MYLK: variants seen among roughly 807,000 people sequenced by gnomAD.
MYLK encodes the protein myosin light chain kinase, also known as myosin light chain kinase, smooth muscle.
In MYLK, 106 loss-of-function variants were observed where a neutral mutation model predicts 203.4. That is an observed-to-expected ratio of 0.52 (90% CI 0.45 to 0.61). The LOEUF is 0.61. MYLK is among the 20% of genes least tolerant of loss of function. The pLI is 0.00. For synonymous variants in MYLK, 867 were observed against 959.5 expected (o/e 0.90, Z 1.78); for missense variants, 2,072 against 2,442.3 (o/e 0.85, Z 3.20).
intron 4 of MYLK, among the ~76,000 whole-genome samples, chr3:123,755,478 C>T (rs75683971): frequency 0.028 from 4,322 of 152,300 alleles, 202 homozygotes; most frequent in African/African-American, 0.096. Flanking sequence ...AAGAAAGTTG[C>T]AGTTCACTAT....
At chr3:123,671,923 G>T (rs1467511968) in intron 20 of MYLK, among the ~76,000 whole-genome samples, 1 of 152,040 alleles carries the variant, frequency 6.6e-6, no homozygotes, top group Non-Finnish European at 1.5e-5. Context: ...AGCTCTCCAG[G>T]GAAGAAGAGA....
intron 2 of MYLK, among the ~76,000 whole-genome samples, chr3:123,844,822 G>GTTTT (rs146243787): frequency 5.1e-5 from 6 of 117,846 alleles, no homozygotes; most frequent in South Asian, 2.9e-4. Flanking sequence ...CTCCTCAGTT[G>GTTTT]TTTTTTTTTT....
Position 123,629,675 on chromosome 3 carries a change from C to T in MYLK, c.4962-49G>A, listed in dbSNP as rs780756829. The T allele has an allele frequency of 5.1e-5, 82 of 1,607,832 alleles. 1 individual carries two copies. The Middle Eastern group carries it at 6.3e-4, about 12-fold the overall frequency. On this transcript the variant is annotated intron_variant, in intron 29 of 33. Transcript: ENST00000360304. This position sits in a 1 kb window ranked among gnomAD's most constrained non-coding sequence, Gnocchi z 4.4. ...CAGGTGTGGCTAGGAGAGGGCGCGACGACCAGGTGAGTGGTAACTGAGGTC... is the reference window on the plus strand; with the variant it reads ...CAGGTGTGGCTAGGAGAGGGCGCGATGACCAGGTGAGTGGTAACTGAGGTC...
intron 8 of MYLK, among the ~76,000 whole-genome samples, chr3:123,736,683 G>A (rs777406403): frequency 6.6e-6 from 1 of 152,168 alleles, no homozygotes; most frequent in Non-Finnish European, 1.5e-5. Context: ...TCGAAGGATC[G>A]CCTGACTTGA....
At chr3:123,717,672 A>G (rs1339717246) in intron 13 of MYLK, among the ~76,000 whole-genome samples, 1 of 152,194 alleles carries the variant, frequency 6.6e-6, no homozygotes, top group Non-Finnish European at 1.5e-5. Flanking sequence ...TGTGAAATAT[A>G]TACTGTATTT....
intron 3 of MYLK, chr3:123,799,913 A>G (rs2065133713): frequency 6.6e-6 from 1 of 152,370 alleles, no homozygotes; most frequent in Non-Finnish European, 1.5e-5. Flanking sequence ...CGTACTGCAG[A>G]GGTTCCTGTC....
In MYLK at chr3:123,827,466, G is replaced by C. The variant is rs1425038441; in HGVS notation, c.-4+4082C>G. Among the ~76,000 whole-genome samples the C allele has an allele frequency of 2.0e-5, 3 of 151,450 alleles. No homozygotes were observed. In the East Asian group the frequency reaches 5.8e-4, roughly 29 times the overall value. On this transcript the variant is annotated intron_variant, in intron 3 of 33. Transcript: ENST00000360304. ...TAGACTAACAGGAGATTTCTCAAAA[G>C]GAATCTTACAGGCCAGGAAAGAATA... is the stretch of plus-strand genomic sequence containing the variant.
At chr3:123,731,682 C>T (rs764034912) in intron 11 of MYLK, among the ~76,000 whole-genome samples, 2 of 151,996 alleles carry the variant, frequency 1.3e-5, no homozygotes, top group Non-Finnish European at 2.9e-5. Flanking sequence ...ATATCCCTGC[C>T]AGTGCTCCCC....
chr3:123,644,371 C>T (rs1455155679), intron 27 of MYLK: 1 of 152,262 alleles, frequency 6.6e-6, no homozygotes, highest in African/African-American at 2.4e-5. Context: ...GCCAAGGTCC[C>T]AAGTGCAGGC....
intron 4 of MYLK, among the ~76,000 whole-genome samples, chr3:123,789,827 GGAGTGAATGAATTCTTCGAGAAT>G (rs1447623587): frequency 3.9e-5 from 6 of 152,116 alleles, no homozygotes; most frequent in Non-Finnish European, 8.8e-5. Context: ...CCACAGCCAG[GGAGTGAATGAATTCTTCGAGAAT>G]GATTTCACTG....
At position 123,648,406 on chromosome 3, in the gene MYLK, G is replaced by A. The variant is rs2059096415; in HGVS notation, c.4415+565C>T. Among the ~76,000 whole-genome samples the A allele has an allele frequency of 6.6e-6, 1 of 152,222 alleles. No individual in the cohort carries two copies. The highest frequency in any genetic ancestry group is 2.1e-4 in the South Asian group (1 of 4,830). On this transcript the variant is annotated intron_variant, in intron 26 of 33. Coordinates refer to ENST00000360304, the MANE Select transcript of MYLK (RefSeq NM_053025.4). The surrounding 1 kb of genome is among the most constrained non-coding windows in gnomAD (Gnocchi z 4.5). ...CACTGATCAGGCTACACTGACTTCTGTGGATCAAATGGAAGGGGTGCCAAA... is the reference window on the plus strand; with the variant it reads ...CACTGATCAGGCTACACTGACTTCTATGGATCAAATGGAAGGGGTGCCAAA...
At chr3:123,637,823 A>C (rs2058696747) in intron 29 of MYLK, among the ~76,000 whole-genome samples, 1 of 152,146 alleles carries the variant, frequency 6.6e-6, no homozygotes, top group African/African-American at 2.4e-5. Flanking sequence ...GTGAGCACCC[A>C]GAATGGGGAT....
At chr3:123,778,350 C>T (rs530479844) in intron 4 of MYLK, among the ~76,000 whole-genome samples, 1 of 151,778 alleles carries the variant, frequency 6.6e-6, no homozygotes, top group Admixed American at 6.6e-5. Flanking sequence ...CTCTACTAAA[C>T]AAAATACAAA....
At chr3:123,811,097 A>T (rs997680005) in intron 3 of MYLK, among the ~76,000 whole-genome samples, 1 of 152,212 alleles carries the variant, frequency 6.6e-6, no homozygotes, top group Non-Finnish European at 1.5e-5. Flanking sequence ...AAAACCAATG[A>T]TCAACTGAGA....
chr3:123,614,348 T>G lies in MYLK; in HGVS notation c.5502A>C (p.Gly1834=). ...ACCAGACAACCTCGGGGTCTGGGTATCCTGCATCACAGGGAGAGAACACAA... is the reference window on the plus strand; with the variant it reads ...ACCAGACAACCTCGGGGTCTGGGTAGCCTGCATCACAGGGAGAGAACACAA... ...SAARFDCKIE[G]YPDPEVVWFK... is the part of the protein sequence containing the mutation. The change falls in exon 34 of 34, where the codon GGA becomes GGC. Residue 1834 remains glycine (G), a splice_region_variant and synonymous_variant. Coordinates refer to ENST00000360304, the MANE Select transcript of MYLK (RefSeq NM_053025.4). The G allele has an allele frequency of 1.2e-6, 2 of 1,614,186 alleles. No individual in the cohort carries two copies. The highest frequency in any genetic ancestry group is 1.7e-6 in the Non-Finnish European group (2 of 1,180,034).
chr3:123,677,165 C>T (rs1300453065), intron 20 of MYLK, among the ~76,000 whole-genome samples: 3 of 152,214 alleles, frequency 2.0e-5, no homozygotes, highest in African/African-American at 4.8e-5. Flanking sequence ...GACTCCTTCA[C>T]ACTTCAGATG....
In MYLK at chr3:123,844,593, G is replaced by A. The variant is rs189936975; in HGVS notation, c.-126-12923C>T. 4.9e-4 allele frequency among the ~76,000 whole-genome samples: 75 copies of A among 152,088 alleles called. 1 individual carries two copies. Among genetic ancestry groups the A allele is most frequent in the African/African-American group, 1.6e-3 (66 of 41,474 alleles). ...CCTGTTAACTCATCTTAAGACAGGA[G>A]CAATTGACCACTCCATCGGGTTGTG... On this transcript the variant is annotated intron_variant, in intron 2 of 33. Transcript: ENST00000360304.
At chr3:123,626,109 A>T (rs902141632) in intron 31 of MYLK, among the ~76,000 whole-genome samples, 1 of 152,194 alleles carries the variant, frequency 6.6e-6, no homozygotes, top group Admixed American at 6.5e-5. Flanking sequence ...GGGTTAAAAG[A>T]TTTAGTGCAT....
At chr3:123,827,908 A>C (rs1029073206) in intron 3 of MYLK, among the ~76,000 whole-genome samples, 1 of 151,244 alleles carries the variant, frequency 6.6e-6, no homozygotes, top group Non-Finnish European at 1.5e-5. Flanking sequence ...CTACTAAAAA[A>C]AAATAGGAAT....
Sources: gnomAD v4.1 joint callset for allele counts (sites outside exome capture counted in the v4.1 genomes callset) on GRCh38, gnomAD v4.1.1 for gene constraint, Gnocchi (gnomAD v3.1) non-coding constraint, MANE v1.5 for transcripts, NCBI Gene and HGNC (gene_info 2026-07-23, HGNC 2026-07-21) for gene names.